Variants in ADARB2 observed in about 807,000 individuals in gnomAD.
ADARB2 encodes the protein adenosine deaminase RNA specific B2 (inactive).
In ADARB2, 25 loss-of-function variants were observed where a neutral mutation model predicts 62.2. The observed-to-expected ratio is 0.40, with a 90% confidence interval of 0.29 to 0.56. The LOEUF is 0.56. Ranked by LOEUF, ADARB2 falls within the 20% of genes least tolerant of loss-of-function variation. The probability of loss-of-function intolerance (pLI) is 0.43; values close to 1 mark genes in which losing one functional copy is unlikely to be tolerated. For missense variants in ADARB2, 1,071 were observed against 1,077.4 expected (o/e 0.99, Z 0.08); for synonymous variants, 572 against 500.8 (o/e 1.14, Z -1.90).
At chr10:1,481,841 A>C (rs1394367574) in intron 1 of ADARB2, among the ~76,000 whole-genome samples, 2 of 134,322 alleles carry the variant, frequency 1.5e-5, no homozygotes, top group African/African-American at 5.8e-5. Context: ...TGGACGACAG[A>C]GTGAGACTCC....
chr10:1,382,463 A>G (rs1049463966), intron 1 of ADARB2, among the ~76,000 whole-genome samples: 28 of 152,360 alleles, frequency 1.8e-4, no homozygotes, highest in Admixed American at 2.6e-4. Context: ...GAGTGTTCTT[A>G]GAAAAGAGGT....
At chr10:1,625,792 TCTC>T (rs1176344695) in intron 1 of ADARB2, among the ~76,000 whole-genome samples, 1 of 152,110 alleles carries the variant, frequency 6.6e-6, no homozygotes, top group South Asian at 2.1e-4. Flanking sequence ...CTCTCACCCT[TCTC>T]CTGCTGAGCT....
chr10:1,669,279 G>T (rs1206835672), intron 1 of ADARB2, among the ~76,000 whole-genome samples: 1 of 152,174 alleles, frequency 6.6e-6, no homozygotes, highest in African/African-American at 2.4e-5. Context: ...TCCCAGGGGG[G>T]TTGACACCAA....
chr10:1,452,782 C>T (rs1831055401), intron 1 of ADARB2, among the ~76,000 whole-genome samples: 1 of 149,604 alleles, frequency 6.7e-6, no homozygotes, highest in African/African-American at 2.5e-5. Flanking sequence ...ACATGTACCC[C>T]AGAACTTAAA....
At chr10:1,242,873 T>TGGCCAAACAGCAGGG (rs1830941044) in intron 4 of ADARB2, among the ~76,000 whole-genome samples, 1 of 152,170 alleles carries the variant, frequency 6.6e-6, no homozygotes, top group Admixed American at 6.5e-5. Context: ...AAAATGATAC[T>TGGCCAAACAGCAGGG]CTCTTCAGGG....
chr10:1,222,763 C>G (rs1200657454), intron 6 of ADARB2, among the ~76,000 whole-genome samples: 1 of 149,170 alleles, frequency 6.7e-6, no homozygotes, highest in Non-Finnish European at 1.5e-5. Context: ...CTGTTCTGTT[C>G]CATTGGTCTA....
intron 1 of ADARB2, among the ~76,000 whole-genome samples, chr10:1,411,147 G>A (rs1418804527): frequency 2.0e-5 from 3 of 152,202 alleles, no homozygotes; most frequent in Non-Finnish European, 4.4e-5. Flanking sequence ...TGTCTCTCCT[G>A]GGCCAGGTGG....
intron 4 of ADARB2, among the ~76,000 whole-genome samples, chr10:1,267,660 A>G (rs1831218729): frequency 6.6e-6 from 1 of 152,216 alleles, no homozygotes; most frequent in African/African-American, 2.4e-5. Flanking sequence ...AACACGCACA[A>G]TATTTCAAAA....
At chr10:1,709,816 G>C (rs890498979) in intron 1 of ADARB2, among the ~76,000 whole-genome samples, 24 of 152,280 alleles carry the variant, frequency 1.6e-4, no homozygotes, top group African/African-American at 5.8e-4. Context: ...AACTACCTTA[G>C]CAGCTCAGCT....
intron 1 of ADARB2, among the ~76,000 whole-genome samples, chr10:1,503,625 A>T (rs1447503156): frequency 1.3e-5 from 2 of 152,088 alleles, no homozygotes; most frequent in Non-Finnish European, 2.9e-5. Context: ...CCCCATCCAC[A>T]TCTCATGTTA....
At chr10:1,608,346 C>T (rs1405355897) in intron 1 of ADARB2, among the ~76,000 whole-genome samples, 1 of 152,044 alleles carries the variant, frequency 6.6e-6, no homozygotes, top group Non-Finnish European at 1.5e-5. Flanking sequence ...AGATGTTTGT[C>T]CAAGAGAATT....
At chr10:1,208,687 C>T (rs1052026683) in intron 7 of ADARB2, among the ~76,000 whole-genome samples, 5 of 152,236 alleles carry the variant, frequency 3.3e-5, no homozygotes, top group Non-Finnish European at 5.9e-5. Flanking sequence ...AGCCACCAGG[C>T]AGCACCCATG....
At chr10:1,337,511 C>T (rs540736480) in intron 3 of ADARB2, among the ~76,000 whole-genome samples, 105 of 152,292 alleles carry the variant, frequency 6.9e-4, no homozygotes, top group South Asian at 1.9e-3. Context: ...TACAATAAAA[C>T]TTCAGCTGAC....
chr10:1,404,910 GT>G (rs1441858783), intron 1 of ADARB2, among the ~76,000 whole-genome samples: 18 of 152,084 alleles, frequency 1.2e-4, no homozygotes, highest in African/African-American at 4.3e-4. Flanking sequence ...GGTCCTTTTC[GT>G]TAGATTGTTT....
At chr10:1,706,436 C>T (rs1834890785) in intron 1 of ADARB2, among the ~76,000 whole-genome samples, 1 of 152,192 alleles carries the variant, frequency 6.6e-6, no homozygotes, top group Non-Finnish European at 1.5e-5. Context: ...TGTGGGCTGG[C>T]CTTTGTCCCA....
rs1057164145 is a variant in ADARB2, at chr10:1,726,695, C to T, written c.100+10356G>A. ...AGCACTTGCCCTGAGCTGCAAGAAG[C>T]CAGAGGGTCCTGGGCCCTGGGCAGT... On this transcript the variant is annotated intron_variant, in intron 1 of 9. Coordinates refer to ENST00000381312, the MANE Select transcript of ADARB2 (RefSeq NM_018702.4). 7.2e-5 allele frequency among the ~76,000 whole-genome samples: 11 copies of T among 152,254 alleles called. 1 individual carries two copies. Among genetic ancestry groups the T allele is most frequent in the Admixed American group, 2.0e-4 (3 of 15,298 alleles).
chr10:1,732,370 A>G (rs1316273), intron 1 of ADARB2, among the ~76,000 whole-genome samples: 79,042 of 150,968 alleles, frequency 0.52, 21,202 homozygotes, highest in Non-Finnish European at 0.56. Flanking sequence ...CGCTTCTGAG[A>G]TGGTTCTTCT....
chr10:1,692,045 C>T (rs550147346), intron 1 of ADARB2, among the ~76,000 whole-genome samples: 2 of 152,210 alleles, frequency 1.3e-5, no homozygotes, highest in Non-Finnish European at 2.9e-5. Context: ...GCCTGGCATA[C>T]CTTTAGGGCT....
chr10:1,411,695 C>T (rs1034201838), intron 1 of ADARB2, among the ~76,000 whole-genome samples: 1 of 152,084 alleles, frequency 6.6e-6, no homozygotes. Flanking sequence ...GTGTGAGCTC[C>T]GCCGGCAAGA....
Sources: allele counts gnomAD v4.1 joint callset (sites outside exome capture counted in the v4.1 genomes callset), GRCh38; gene constraint gnomAD v4.1.1; transcripts MANE v1.5; gene names NCBI Gene and HGNC (gene_info 2026-07-23, HGNC 2026-07-21).